The following SVIL variants were observed in gnomAD, a reference collection of about 807,000 sequenced individuals.
The protein encoded by SVIL is supervillin.
SVIL carries 101 observed loss-of-function variants against 240.4 expected under a neutral mutation model. The ratio of observed to expected loss-of-function variants is 0.42; its 90% CI spans 0.36 to 0.50. The LOEUF is 0.50. SVIL is among the 20% of genes least tolerant of loss of function. The pLI is 0.01. For missense variants in SVIL, 2,512 were observed against 2,818.7 expected (o/e 0.89, Z 2.46); for synonymous variants, 999 against 1,100.0 (o/e 0.91, Z 1.82).
intron 29 of SVIL, among the ~76,000 whole-genome samples, chr10:29,478,921 T>C: frequency 1.4e-5 from 1 of 71,042 alleles, no homozygotes; most frequent in African/African-American, 7.2e-5. Flanking sequence ...TGAAACCCTG[T>C]CTCAAAAAAA....
At chr10:29,642,020 A>C (rs1958501212) in intron 3 of SVIL, among the ~76,000 whole-genome samples, 1 of 152,138 alleles carries the variant, frequency 6.6e-6, no homozygotes, top group African/African-American at 2.4e-5. Flanking sequence ...CAACCATGAG[A>C]CACCAGCCAC....
intron 1 of SVIL, among the ~76,000 whole-genome samples, chr10:29,607,424 T>A (rs2887231): frequency 5.3e-5 from 8 of 152,226 alleles, no homozygotes; most frequent in Non-Finnish European, 1.0e-4. Flanking sequence ...AAATTGAGAA[T>A]GTGTAAAATG....
At chr10:29,707,096 G>T (rs1962941268) in intron 1 of SVIL, among the ~76,000 whole-genome samples, 1 of 152,090 alleles carries the variant, frequency 6.6e-6, no homozygotes, top group Admixed American at 6.6e-5. Flanking sequence ...TGTTCTTTTT[G>T]CTTAGGATTA....
intron 21 of SVIL, among the ~76,000 whole-genome samples, chr10:29,492,517 G>A (rs1564510733): frequency 2.0e-5 from 3 of 151,860 alleles, no homozygotes; most frequent in Admixed American, 6.6e-5. Context: ...ACTGTTCAGT[G>A]GCTGAGCCGG....
intron 1 of SVIL, among the ~76,000 whole-genome samples, chr10:29,626,515 C>T (rs1477977549): frequency 1.3e-5 from 2 of 152,208 alleles, no homozygotes; most frequent in Admixed American, 1.3e-4. Context: ...AAGCCAAGCA[C>T]ATCCCATCTT....
At chr10:29,702,175 C>CAA (rs60338711) in intron 1 of SVIL, among the ~76,000 whole-genome samples, 22,602 of 61,572 alleles carry the variant, frequency 0.37, 2,860 homozygotes, top group East Asian at 0.5. Context: ...ACTCCATCTC[C>CAA]AAAAAAAAAA....
intron 2 of SVIL, among the ~76,000 whole-genome samples, chr10:29,678,358 T>A: frequency 6.6e-6 from 1 of 151,844 alleles, no homozygotes; most frequent in Non-Finnish European, 1.5e-5. Flanking sequence ...GCAACCTAGC[T>A]CCCTCAAATG....
chr10:29,695,172 A>C (rs1052197224), intron 1 of SVIL, among the ~76,000 whole-genome samples: 7 of 152,222 alleles, frequency 4.6e-5, no homozygotes, highest in African/African-American at 1.7e-4. Flanking sequence ...AGCCGGAAGC[A>C]GCAGCCACTC....
At chr10:29,622,467 A>G (rs1431268207) in intron 1 of SVIL, among the ~76,000 whole-genome samples, 2 of 152,056 alleles carry the variant, frequency 1.3e-5, no homozygotes, top group South Asian at 4.1e-4. Context: ...TGATATCCTT[A>G]GTAGCCACAG....
At chr10:29,688,277 T>C (rs1961243306) in intron 1 of SVIL, among the ~76,000 whole-genome samples, 1 of 152,216 alleles carries the variant, frequency 6.6e-6, no homozygotes, top group Non-Finnish European at 1.5e-5. Context: ...CAGGGGATGA[T>C]TGATGGCTTA....
In SVIL at chr10:29,524,673, C is replaced by G; in HGVS notation, c.2385G>C (p.Gln795His). Residue 795 changes from glutamine to histidine, a missense_variant, in exon 14 of 38, where the codon CAG becomes CAC. By Grantham distance (24) the Gln-to-His change is conservative. Around this residue, in one of 3 missense-constraint regions of SVIL, gnomAD observed 1,443 missense variants for 1,486.6 expected, o/e 0.97. Coordinates refer to ENST00000355867, the MANE Select transcript of SVIL (RefSeq NM_021738.3). ...CAGCAAGCTCTTTGCCCTCATTTGT[C>G]TGGTCCTTGGCTAAGGCCTTTTGGT... ...SAHQKALAKD[Q>H]TNEGKELAEQ... is the part of the protein sequence containing the mutation. 1.2e-6 allele frequency: 2 copies of G among 1,614,194 alleles called. No individual in the cohort carries two copies. Among genetic ancestry groups the G allele is most frequent in the African/African-American group, 1.3e-5 (1 of 75,050 alleles).
intron 1 of SVIL, among the ~76,000 whole-genome samples, chr10:29,694,880 G>A (rs78249459): frequency 0.027 from 4,117 of 152,272 alleles, 175 homozygotes; most frequent in African/African-American, 0.094. Context: ...ACAGCCCGAG[G>A]GACAGAATTA....
intron 1 of SVIL, among the ~76,000 whole-genome samples, chr10:29,589,140 A>G (rs1956286752): frequency 6.6e-6 from 1 of 152,236 alleles, no homozygotes; most frequent in African/African-American, 2.4e-5. Context: ...CCAAAGGGAA[A>G]AAAAACAAGG....
chr10:29,550,447 A>G (rs1953197278), intron 6 of SVIL, 150 bp downstream of exon 6: 1 of 1,042,926 alleles, frequency 9.6e-7, no homozygotes, highest in East Asian at 2.7e-5. Context: ...GTCTTCAGAA[A>G]AAAAAAAAAA....
chr10:29,588,574 C>T (rs1956262955), intron 1 of SVIL, among the ~76,000 whole-genome samples: 1 of 152,180 alleles, frequency 6.6e-6, no homozygotes, highest in Non-Finnish European at 1.5e-5. Context: ...TTAATTTACA[C>T]TAATTCAGCA....
intron 1 of SVIL, among the ~76,000 whole-genome samples, chr10:29,707,064 A>G (rs1962939587): frequency 6.6e-6 from 1 of 152,214 alleles, no homozygotes; most frequent in Non-Finnish European, 1.5e-5. Context: ...GCTTGAAGTC[A>G]GGTAGGTGAT....
intron 1 of SVIL, among the ~76,000 whole-genome samples, chr10:29,583,165 C>A (rs1455177353): frequency 6.6e-6 from 1 of 152,234 alleles, no homozygotes; most frequent in Admixed American, 6.5e-5. Flanking sequence ...AAAGTAATTT[C>A]TGGCTCTCCT....
upstream of SVIL, chr10:29,736,918 G>A (rs1029249946): frequency 2.6e-5 from 4 of 152,104 alleles, no homozygotes; most frequent in Non-Finnish European, 5.9e-5. Context: ...CTCCGTCCCC[G>A]AGAGCCGGCG....
At position 29,524,556 on chromosome 10, in the gene SVIL, A is replaced by G; in HGVS notation, c.2502T>C (p.Ser834=). Residue 834 remains serine (S), a synonymous_variant, in exon 14 of 38, where the codon TCT becomes TCC. Transcript: ENST00000355867. The stretch of plus-strand genomic sequence containing the variant: ...GTCTCGTGTCTATTCTGTTCCGGGT[A>G]GAAATCGCTTTTGAGACTGGCTGGG... ...KLSQPVSKAI[S]TRNRIDTRQR... 6.2e-7 allele frequency: 1 copy of G among 1,614,120 alleles called. No individual in the cohort carries two copies. Among genetic ancestry groups the G allele is most frequent in the Non-Finnish European group, 8.5e-7 (1 of 1,180,026 alleles).
Sources: gnomAD v4.1 joint callset for allele counts (sites outside exome capture counted in the v4.1 genomes callset) on GRCh38, gnomAD v4.1.1 for gene constraint, gnomAD v4.1.1 regional missense constraint, MANE v1.5 for transcripts, NCBI Gene and HGNC (gene_info 2026-07-23, HGNC 2026-07-21) for gene names.